CNST: variants seen among roughly 807,000 people sequenced by gnomAD.
CNST encodes the protein consortin, connexin sorting protein.
Under a neutral mutation model 72.4 loss-of-function variants are expected in CNST, and 39 were observed. The observed-to-expected ratio is 0.54, with a 90% CI of 0.42 to 0.70. The LOEUF is 0.70. CNST is among the 30% of genes least tolerant of loss of function. CNST has a pLI of 0.00. For synonymous variants in CNST, 332 were observed against 320.1 expected (o/e 1.04, Z -0.40); for missense variants, 871 against 868.5 (o/e 1.00, Z -0.04).
At chr1:246,599,991 A>C (rs1370993992) in intron 2 of CNST, among the ~76,000 whole-genome samples, 2 of 152,214 alleles carry the variant, frequency 1.3e-5, no homozygotes, top group African/African-American at 2.4e-5. Context: ...GTCATAAGTA[A>C]GCACATGGTC....
intron 1 of CNST, among the ~76,000 whole-genome samples, chr1:246,587,006 G>A (rs1207677994): frequency 1.3e-5 from 2 of 152,058 alleles, no homozygotes; most frequent in African/African-American, 2.4e-5. Flanking sequence ...AGGCCTATGC[G>A]TTTAATCTTT....
chr1:246,663,573 T>G (rs1470178425), intron 10 of CNST, among the ~76,000 whole-genome samples: 1 of 152,016 alleles, frequency 6.6e-6, no homozygotes, highest in Admixed American at 6.6e-5. Context: ...AAACCCCATC[T>G]CTATAACAAT....
chr1:246,586,154 A>G (rs1232595498), intron 1 of CNST, among the ~76,000 whole-genome samples: 12 of 136,108 alleles, frequency 8.8e-5, no homozygotes, highest in African/African-American at 3.2e-4. Context: ...TATATTACTG[A>G]TAGTATGCTT....
chr1:246,576,012 A>AT (rs1355867667), intron 1 of CNST, among the ~76,000 whole-genome samples: 1 of 151,236 alleles, frequency 6.6e-6, no homozygotes, highest in African/African-American at 2.4e-5. Context: ...AGGCGAGCAG[A>AT]TCACTTGAGG....
At chr1:246,603,888 A>T (rs953389840) in intron 2 of CNST, among the ~76,000 whole-genome samples, 1 of 152,172 alleles carries the variant, frequency 6.6e-6, no homozygotes, top group African/African-American at 2.4e-5. Context: ...AAGTAAAGCC[A>T]CTGAATTATG....
intron 2 of CNST, among the ~76,000 whole-genome samples, chr1:246,603,323 C>G (rs1253196011): frequency 6.7e-6 from 1 of 148,888 alleles, no homozygotes; most frequent in African/African-American, 2.5e-5. Flanking sequence ...GAAAGTCAAA[C>G]TTTCCAATAT....
intron 4 of CNST, chr1:246,632,233 A>G (rs1457790458): frequency 3.5e-6 from 1 of 286,138 alleles, no homozygotes; most frequent in African/African-American, 2.2e-5. Flanking sequence ...TATGTACAGA[A>G]CACTCAACAG....
At chr1:246,566,728 G>A in intron 1 of CNST, 65 bp downstream of exon 1, 2 of 400,344 alleles carry the variant, frequency 5.0e-6, no homozygotes, top group Non-Finnish European at 8.8e-6. Context: ...AAAGCCTTTC[G>A]GAAGCCTCTC....
At chr1:246,608,768 C>T (rs906633118) in intron 2 of CNST, among the ~76,000 whole-genome samples, 9 of 152,168 alleles carry the variant, frequency 5.9e-5, no homozygotes, top group Non-Finnish European at 8.8e-5. Flanking sequence ...TCATGAGGTT[C>T]GTTTTAAGAC....
chr1:246,638,281 C>T (rs969775939), intron 6 of CNST, among the ~76,000 whole-genome samples: 18 of 152,158 alleles, frequency 1.2e-4, no homozygotes, highest in Admixed American at 9.8e-4. Context: ...AGAATAAGGA[C>T]AGGGACAGAA....
chr1:246,619,920 A>G (rs1313217620), intron 2 of CNST, among the ~76,000 whole-genome samples: 1 of 132,702 alleles, frequency 7.5e-6, no homozygotes. Flanking sequence ...CATACACACG[A>G]TGGGCTCTGG....
chr1:246,611,068 T>C lies in CNST; in HGVS notation c.380-10361T>C, dbSNP rs151205104. 1.2e-3 allele frequency among the ~76,000 whole-genome samples: 183 copies of C among 152,318 alleles called. 2 individuals carry two copies. Among genetic ancestry groups the C allele is most frequent in the Non-Finnish European group, 2.0e-3 (135 of 68,030 alleles). On this transcript the variant is annotated intron_variant, in intron 2 of 10. Coordinates refer to ENST00000366513, the MANE Select transcript of CNST (RefSeq NM_152609.3). ...GAGGCAAGTGCCTTGTTTCAGTCTT[T>C]GGGTAGCCCCAGACAGATTAGAACA...
At chr1:246,594,853 T>C (rs1661773095) in intron 2 of CNST, among the ~76,000 whole-genome samples, 1 of 152,142 alleles carries the variant, frequency 6.6e-6, no homozygotes, top group Admixed American at 6.5e-5. Context: ...ACTGAAGCAG[T>C]CTCTACCTTG....
chr1:246,588,128 A>G (rs760887600), intron 1 of CNST, among the ~76,000 whole-genome samples: 2 of 152,040 alleles, frequency 1.3e-5, no homozygotes, highest in Non-Finnish European at 2.9e-5. Flanking sequence ...AATCTTTATG[A>G]AATTATATTT....
intron 1 of CNST, among the ~76,000 whole-genome samples, chr1:246,588,957 A>G (rs1661365520): frequency 1.3e-5 from 2 of 152,178 alleles, no homozygotes; most frequent in Non-Finnish European, 1.5e-5. Context: ...ATTTATAAAA[A>G]TGAAAAATTG....
chr1:246,625,903 TCA>T (rs1664399485), intron 3 of CNST, among the ~76,000 whole-genome samples: 1 of 152,082 alleles, frequency 6.6e-6, no homozygotes, highest in African/African-American at 2.4e-5. Context: ...TGGTCAGACC[TCA>T]GTTTTCATCT....
Position 246,664,643 on chromosome 1 carries a change from G to A in CNST, c.1973-1057G>A, listed in dbSNP as rs373545921. On this transcript the variant is annotated intron_variant, in intron 10 of 10. Coordinates refer to ENST00000366513, the MANE Select transcript of CNST (RefSeq NM_152609.3). ...GGGTTTCACCGTGTCAGCCAGGATG[G>A]TCTCGATCTCCTGACCTCGTGATCC... 1.3e-3 allele frequency among the ~76,000 whole-genome samples: 201 copies of A among 151,656 alleles called. 4 individuals are homozygous for A. In the East Asian group the frequency reaches 0.02, roughly 15 times the overall value.
At chr1:246,588,739 T>C (rs1341765123) in intron 1 of CNST, among the ~76,000 whole-genome samples, 1 of 152,224 alleles carries the variant, frequency 6.6e-6, no homozygotes, top group Admixed American at 6.5e-5. Context: ...ATTGATTTTA[T>C]TCATACTAAA....
chr1:246,656,044 G>T (rs1666751894), intron 9 of CNST, among the ~76,000 whole-genome samples: 1 of 152,182 alleles, frequency 6.6e-6, no homozygotes, highest in African/African-American at 2.4e-5. Flanking sequence ...TGGCACTTAA[G>T]TTATTTGTCA....
Sources: gnomAD v4.1 joint callset for allele counts (sites outside exome capture counted in the v4.1 genomes callset) on GRCh38, gnomAD v4.1.1 for gene constraint, MANE v1.5 for transcripts, NCBI Gene and HGNC (gene_info 2026-07-23, HGNC 2026-07-21) for gene names.